TNKS: variants seen among roughly 807,000 people sequenced by gnomAD.
TNKS encodes poly [ADP-ribose] polymerase tankyrase-1.
In TNKS, 72 loss-of-function variants were observed where a neutral mutation model predicts 135.8. The observed-to-expected ratio is 0.53, with a 90% CI of 0.44 to 0.64. The LOEUF is 0.64. Among genes scored for constraint, TNKS ranks in the 30% least tolerant of loss-of-function variants. TNKS has a pLI of 0.00. For missense variants in TNKS, 1,769 were observed against 1,674.0 expected (o/e 1.06, Z -0.99); for synonymous variants, 849 against 649.3 (o/e 1.31, Z -4.68).
chr8:9,631,304 A>T (rs536575323), intron 3 of TNKS, among the ~76,000 whole-genome samples: 1 of 152,346 alleles, frequency 6.6e-6, no homozygotes, highest in East Asian at 1.9e-4. Flanking sequence ...GAGCCATTTT[A>T]GGGTGTGTAG....
intron 1 of TNKS, among the ~76,000 whole-genome samples, chr8:9,567,175 C>T (rs1797575731): frequency 6.6e-6 from 1 of 152,202 alleles, no homozygotes; most frequent in Non-Finnish European, 1.5e-5. Flanking sequence ...CATCTTCCCA[C>T]CCCAAGGGAG....
chr8:9,691,951 G>T (rs1016263453), intron 5 of TNKS, among the ~76,000 whole-genome samples: 1 of 152,080 alleles, frequency 6.6e-6, no homozygotes, highest in South Asian at 2.1e-4. Context: ...ATGAATTATT[G>T]TTGTTCATTT....
intron 13 of TNKS, among the ~76,000 whole-genome samples, chr8:9,729,283 CACAA>C (rs1805306775): frequency 6.6e-6 from 1 of 152,162 alleles, no homozygotes. Context: ...TCCAGAAGGA[CACAA>C]ACATTCAACC....
intron 3 of TNKS, among the ~76,000 whole-genome samples, chr8:9,654,505 G>A (rs945061692): frequency 5.9e-5 from 9 of 152,044 alleles, no homozygotes; most frequent in African/African-American, 2.2e-4. Flanking sequence ...TGTTTTTATT[G>A]GTTAAAGAAT....
At chr8:9,669,211 G>A (rs13256808) in intron 3 of TNKS, among the ~76,000 whole-genome samples, 17,392 of 151,642 alleles carry the variant, frequency 0.11, 1,196 homozygotes, top group Admixed American at 0.22. Flanking sequence ...GAGGTCAGGA[G>A]ATCGAGACCA....
chr8:9,666,862 T>C (rs566371810), intron 3 of TNKS, among the ~76,000 whole-genome samples: 31 of 152,176 alleles, frequency 2.0e-4, no homozygotes, highest in African/African-American at 7.5e-4. Context: ...TGGCCCTGAA[T>C]TGTCAAGAAG....
intron 11 of TNKS, among the ~76,000 whole-genome samples, chr8:9,719,768 TA>T (rs1804784777): frequency 6.6e-6 from 1 of 152,210 alleles, no homozygotes; most frequent in Non-Finnish European, 1.5e-5. Flanking sequence ...CACATTGTCT[TA>T]AGCAGTCTCA....
intron 5 of TNKS, among the ~76,000 whole-genome samples, chr8:9,696,515 AC>A (rs1803521673): frequency 6.6e-6 from 1 of 152,142 alleles, no homozygotes; most frequent in African/African-American, 2.4e-5. Flanking sequence ...ACCTCTCTTC[AC>A]TGACACTATG....
intron 6 of TNKS, 43 bp downstream of exon 6, chr8:9,704,800 T>C: frequency 2.0e-6 from 3 of 1,498,898 alleles, no homozygotes; most frequent in Non-Finnish European, 2.8e-6. Flanking sequence ...TTGTTTTTTG[T>C]CTGATACTCT....
chr8:9,563,260 CTT>C (rs1797406644), intron 1 of TNKS, among the ~76,000 whole-genome samples: 1 of 152,074 alleles, frequency 6.6e-6, no homozygotes. Context: ...ATAACTGTCA[CTT>C]TCTTTTGAAT....
At chr8:9,619,144 A>G (rs986134874) in intron 3 of TNKS, among the ~76,000 whole-genome samples, 5 of 152,182 alleles carry the variant, frequency 3.3e-5, no homozygotes, top group Admixed American at 6.5e-5. Context: ...ATCCATGGAC[A>G]TGGTAGATAC....
chr8:9,583,587 C>G (rs1798253041), intron 2 of TNKS, among the ~76,000 whole-genome samples: 1 of 151,832 alleles, frequency 6.6e-6, no homozygotes, highest in African/African-American at 2.4e-5. Flanking sequence ...CTCCTGGGTT[C>G]AAGTGATTCT....
intron 20 of TNKS, among the ~76,000 whole-genome samples, chr8:9,758,610 C>G (rs1282779453): frequency 6.6e-6 from 1 of 152,146 alleles, no homozygotes; most frequent in Non-Finnish European, 1.5e-5. Flanking sequence ...GTGCCTCTGG[C>G]TCAAGGTCTG....
intron 18 of TNKS, among the ~76,000 whole-genome samples, 176 bp downstream of exon 18, chr8:9,748,388 C>A (rs183257421): frequency 6.2e-4 from 95 of 152,294 alleles, no homozygotes; most frequent in African/African-American, 2.2e-3. Context: ...ACTCTTAAGA[C>A]AAACTAAACA....
At chr8:9,560,733 G>C (rs1016328286) in intron 1 of TNKS, among the ~76,000 whole-genome samples, 1 of 151,526 alleles carries the variant, frequency 6.6e-6, no homozygotes, top group African/African-American at 2.4e-5. Context: ...GTCTAATTTG[G>C]TAATAGAAGA....
chr8:9,745,290 A>G (rs553612889), intron 17 of TNKS, among the ~76,000 whole-genome samples: 23 of 152,368 alleles, frequency 1.5e-4, no homozygotes, highest in African/African-American at 5.0e-4. Flanking sequence ...TAATTAAGCT[A>G]TAGAATTAAT....
chr8:9,644,943 A>G (rs975278408), intron 3 of TNKS, among the ~76,000 whole-genome samples: 1 of 152,190 alleles, frequency 6.6e-6, no homozygotes, highest in African/African-American at 2.4e-5. Context: ...TTGCCCCACT[A>G]TAGGCCAATG....
intron 2 of TNKS, among the ~76,000 whole-genome samples, chr8:9,589,930 C>G (rs1798530011): frequency 6.6e-6 from 1 of 152,190 alleles, no homozygotes; most frequent in Admixed American, 6.5e-5. Context: ...TACTGCCACC[C>G]AACACGTCTC....
intron 3 of TNKS, among the ~76,000 whole-genome samples, chr8:9,643,277 C>A (rs1197230513): frequency 6.9e-6 from 1 of 145,608 alleles, no homozygotes; most frequent in African/African-American, 2.5e-5. Context: ...TTATTTTTTT[C>A]AGTTCTAGAA....
Sources: allele counts gnomAD v4.1 joint callset (sites outside exome capture counted in the v4.1 genomes callset), GRCh38; gene constraint gnomAD v4.1.1; transcripts MANE v1.5; gene names NCBI Gene and HGNC (gene_info 2026-07-23, HGNC 2026-07-21).